TBCK: variants seen among roughly 807,000 people sequenced by gnomAD.
TBCK encodes the protein TBC1 domain containing kinase.
Under a neutral mutation model 113.4 loss-of-function variants are expected in TBCK, and 99 were observed. That is an observed-to-expected ratio of 0.87 (90% confidence interval 0.74 to 1.03). TBCK has a LOEUF of 1.03. Ranked by LOEUF, TBCK falls within the 50% of genes least tolerant of loss-of-function variation. The probability of loss-of-function intolerance (pLI) is 0.00; values close to 1 mark genes in which losing one functional copy is unlikely to be tolerated. For synonymous variants in TBCK, 369 were observed against 370.8 expected (o/e 1.00, Z 0.05); for missense variants, 1,045 against 1,061.3 (o/e 0.98, Z 0.21).
At chr4:106,108,579 C>G (rs1214254037) in intron 24 of TBCK, among the ~76,000 whole-genome samples, 1 of 152,162 alleles carries the variant, frequency 6.6e-6, no homozygotes, top group African/African-American at 2.4e-5. Context: ...TGACAACTCT[C>G]AATAAACCAG....
At chr4:106,088,899 A>C (rs2149504341) in intron 25 of TBCK, among the ~76,000 whole-genome samples, 1 of 152,254 alleles carries the variant, frequency 6.6e-6, no homozygotes, top group African/African-American at 2.4e-5. Flanking sequence ...GGACACAGAG[A>C]GGGGAACAAT....
chr4:106,083,490 C>A (rs1384854407), intron 25 of TBCK, among the ~76,000 whole-genome samples: 4 of 152,208 alleles, frequency 2.6e-5, no homozygotes, highest in Non-Finnish European at 4.4e-5. Flanking sequence ...TGCAGACCAG[C>A]CAACTTAGCC....
intron 24 of TBCK, among the ~76,000 whole-genome samples, chr4:106,106,094 A>G (rs992775274): frequency 1.2e-4 from 18 of 152,192 alleles, no homozygotes; most frequent in African/African-American, 4.3e-4. Flanking sequence ...AAAATAAAAA[A>G]AAAAAGAATA....
chr4:106,266,320 C>T (rs1301073864), intron 3 of TBCK, among the ~76,000 whole-genome samples: 1 of 151,724 alleles, frequency 6.6e-6, no homozygotes, highest in African/African-American at 2.4e-5. Flanking sequence ...TTCTCTTGTT[C>T]TTGTCTGTTT....
At chr4:106,235,566 C>T (rs147600900) in intron 14 of TBCK, among the ~76,000 whole-genome samples, 199 bp from the exon 15 acceptor site, 19 of 152,024 alleles carry the variant, frequency 1.2e-4, no homozygotes, top group African/African-American at 4.3e-4. Context: ...TTGAAAAACT[C>T]GTATTATATA....
chr4:106,193,618 C>A lies in TBCK; in HGVS notation c.2050G>T (p.Asp684Tyr). 6.2e-7 allele frequency: 1 copy of A among 1,612,986 alleles called. No individual in the cohort carries two copies. Among genetic ancestry groups the A allele is most frequent in the Non-Finnish European group, 8.5e-7 (1 of 1,179,388 alleles). Residue 684 changes from aspartate to tyrosine, a missense_variant, in exon 22 of 26, where the codon GAT (aspartate) becomes TAT (tyrosine). Transcript: ENST00000394708. ...GFNECILLFS[D>Y]LPEIDIERCV... The stretch of plus-strand genomic sequence containing the variant: ...TTATTTAGATCTATACCTGGTAAAT[C>A]GGAGAAGAGAAGAATACACTCATTA...
intron 12 of TBCK, among the ~76,000 whole-genome samples, chr4:106,240,378 AG>A (rs2150025038): frequency 1.0e-4 from 1 of 10,004 alleles, no homozygotes; most frequent in African/African-American, 6.9e-4. Context: ...TGAGTAGATA[AG>A]AATTTGGAAA....
chr4:106,103,506 T>C (rs1741783848), intron 24 of TBCK, among the ~76,000 whole-genome samples: 1 of 152,200 alleles, frequency 6.6e-6, no homozygotes, highest in Admixed American at 6.5e-5. Context: ...TAGTGTAAAA[T>C]TTAGAAGCAC....
At chr4:106,087,934 G>A (rs1248190704) in intron 25 of TBCK, among the ~76,000 whole-genome samples, 3 of 151,922 alleles carry the variant, frequency 2.0e-5, no homozygotes, top group Non-Finnish European at 2.9e-5. Flanking sequence ...CCTACCTTAT[G>A]TCTTATACAA....
chr4:106,116,430 A>C, intron 23 of TBCK, 52 bp from the exon 24 acceptor site: 1 of 1,399,852 alleles, frequency 7.1e-7, no homozygotes. Context: ...TAGAAAAACA[A>C]ATTATCCCCA....
chr4:106,093,421 G>C (rs762177267), intron 25 of TBCK, among the ~76,000 whole-genome samples: 4 of 152,136 alleles, frequency 2.6e-5, no homozygotes, highest in Non-Finnish European at 5.9e-5. Flanking sequence ...GCAGGAGAAT[G>C]GTGTGAATCT....
At chr4:106,287,231 C>A (rs1369222550) in intron 3 of TBCK, among the ~76,000 whole-genome samples, 1 of 152,114 alleles carries the variant, frequency 6.6e-6, no homozygotes, top group Non-Finnish European at 1.5e-5. Flanking sequence ...TCTGGATATT[C>A]CCTTAATACT....
At chr4:106,188,394 A>AT (rs1412314436) in intron 22 of TBCK, among the ~76,000 whole-genome samples, 1 of 152,184 alleles carries the variant, frequency 6.6e-6, no homozygotes, top group Non-Finnish European at 1.5e-5. Context: ...TGCTCTATAT[A>AT]TTTTGTTTTG....
At chr4:106,298,194 T>G (rs1766517679) in intron 2 of TBCK, among the ~76,000 whole-genome samples, 1 of 152,204 alleles carries the variant, frequency 6.6e-6, no homozygotes, top group South Asian at 2.1e-4. Flanking sequence ...TATCCATGGT[T>G]TTACTTTCTG....
chr4:106,206,306 T>C (rs1755488898), intron 20 of TBCK, among the ~76,000 whole-genome samples: 1 of 152,228 alleles, frequency 6.6e-6, no homozygotes. Context: ...TGTATAGTTT[T>C]TTGGCTAGAA....
chr4:106,229,386 T>A (rs564153787), intron 19 of TBCK, among the ~76,000 whole-genome samples: 1 of 152,184 alleles, frequency 6.6e-6, no homozygotes, highest in African/African-American at 2.4e-5. Flanking sequence ...AGGTCTTAGA[T>A]TTAAGACTTT....
At chr4:106,270,230 C>G (rs1008627052) in intron 3 of TBCK, among the ~76,000 whole-genome samples, 1 of 152,160 alleles carries the variant, frequency 6.6e-6, no homozygotes, top group South Asian at 2.1e-4. Flanking sequence ...CCTGACATAA[C>G]TGAATCAGAA....
intron 22 of TBCK, among the ~76,000 whole-genome samples, chr4:106,172,094 A>C (rs1751102584): frequency 6.6e-6 from 1 of 152,056 alleles, no homozygotes; most frequent in African/African-American, 2.4e-5. Flanking sequence ...GGCCTCCCAA[A>C]ATTCTAGGGT....
Position 106,308,898 on chromosome 4 carries a change from A to G in TBCK, c.63T>C (p.His21=), listed in dbSNP as rs935002807. 10 of 1,614,200 alleles carry G rather than the reference A, an allele frequency of 6.2e-6. No homozygotes were observed. The highest frequency in any genetic ancestry group is 3.3e-4 in the Middle Eastern group (2 of 6,062). Residue 21 remains histidine (H), a synonymous_variant, in exon 2 of 26, where the codon CAT becomes CAC. Transcript: ENST00000394708. Reference sequence around the variant, plus strand: ...GAAGTCCATTGCTTCCACAAACATCATGTGGCAGAGCCGAGGCAAAGAAGG... The same window carrying G: ...GAAGTCCATTGCTTCCACAAACATCGTGTGGCAGAGCCGAGGCAAAGAAGG... ...AFTFFASALP[H]DVCGSNGLPL... is the part of the protein sequence containing the mutation.
Sources: gnomAD v4.1 joint callset for allele counts (sites outside exome capture counted in the v4.1 genomes callset) on GRCh38, gnomAD v4.1.1 for gene constraint, MANE v1.5 for transcripts, NCBI Gene and HGNC (gene_info 2026-07-23, HGNC 2026-07-21) for gene names.